The following AADAT variants were observed in gnomAD, a reference collection of about 807,000 sequenced individuals.
AADAT encodes the protein aminoadipate aminotransferase.
AADAT carries 25 observed loss-of-function variants against 56.2 expected under a neutral mutation model. The observed-to-expected ratio is 0.44, with a 90% CI of 0.32 to 0.62. AADAT has a LOEUF of 0.62. Ranked by LOEUF, AADAT falls within the 20% of genes least tolerant of loss-of-function variation. The pLI is 0.04. For missense variants in AADAT, 387 were observed against 510.5 expected, an observed-to-expected ratio of 0.76 and a Z score of 2.33; for synonymous variants, 173 against 164.7, an observed-to-expected ratio of 1.05 and a Z score of -0.39.
At chr4:170,092,921 C>T (rs547967696), upstream of AADAT, among the ~76,000 whole-genome samples, 2 of 152,332 alleles carry the variant, frequency 1.3e-5, no homozygotes, top group South Asian at 4.1e-4. Flanking sequence ...TTAATCCATG[C>T]ACACAGATCC....
At chr4:170,064,616 G>T in intron 11 of AADAT, 103 bp downstream of exon 11, 2 of 846,866 alleles carry the variant, frequency 2.4e-6, no homozygotes, top group Non-Finnish European at 1.9e-6. Flanking sequence ...GAGTTGGCTG[G>T]TGGGCAACAA....
chr4:170,088,584 G>A lies in AADAT; in HGVS notation c.68-20C>T, dbSNP rs539954524. Reference sequence around the variant, plus strand: ...TGTCAGCTACAATACACATGGAAGAGAAGAAACAATTTCATTGAAGATTGT... The same window carrying A: ...TGTCAGCTACAATACACATGGAAGAAAAGAAACAATTTCATTGAAGATTGT... On this transcript the variant is annotated intron_variant, in intron 1 of 12. Coordinates refer to ENST00000337664, the MANE Select transcript of AADAT (RefSeq NM_016228.4). 6 of 1,588,722 alleles carry A rather than the reference G, an allele frequency of 3.8e-6. No individual in the cohort carries two copies. The Admixed American group carries it at 5.0e-5, about 13-fold the overall frequency.
chr4:170,075,847 T>A (rs950827255), intron 4 of AADAT, among the ~76,000 whole-genome samples: 13 of 152,256 alleles, frequency 8.5e-5, no homozygotes, highest in African/African-American at 3.1e-4. Context: ...AATACAATAT[T>A]TGTCCTTTTG....
intron 3 of AADAT, 29 bp downstream of exon 3, chr4:170,087,087 T>C (rs780035064): frequency 6.2e-7 from 1 of 1,612,588 alleles, no homozygotes; most frequent in Non-Finnish European, 8.5e-7. Context: ...CAATTCTACA[T>C]TTTGGCTGAG....
intron 4 of AADAT, among the ~76,000 whole-genome samples, chr4:170,077,492 G>C (rs1340340816): frequency 6.6e-6 from 1 of 151,856 alleles, no homozygotes; most frequent in African/African-American, 2.4e-5. Flanking sequence ...TTTATATGTT[G>C]ATTTTCATAA....
intron 3 of AADAT, among the ~76,000 whole-genome samples, chr4:170,085,700 T>C (rs1290811016): frequency 1.3e-5 from 2 of 152,182 alleles, no homozygotes; most frequent in African/African-American, 2.4e-5. Flanking sequence ...CAATCACAAA[T>C]GTTTCTCTTC....
chr4:170,064,455 G>C (rs1731348177), intron 11 of AADAT, among the ~76,000 whole-genome samples: 1 of 152,226 alleles, frequency 6.6e-6, no homozygotes, highest in African/African-American at 2.4e-5. Flanking sequence ...AACAGGTGTG[G>C]CTCCGGAGAC....
chr4:170,089,244 AC>A, intron 1 of AADAT: 2 of 441,600 alleles, frequency 4.5e-6, no homozygotes, highest in Admixed American at 6.2e-5. Flanking sequence ...TTCATGGCCC[AC>A]CCCTCTCCCA....
At chr4:170,076,763 T>G (rs886691353) in intron 4 of AADAT, among the ~76,000 whole-genome samples, 2 of 152,210 alleles carry the variant, frequency 1.3e-5, no homozygotes, top group South Asian at 4.1e-4. Flanking sequence ...GTTGCTCATA[T>G]TTTTGGTCAT....
At chr4:170,091,019 G>A (rs1732801772), upstream of AADAT, among the ~76,000 whole-genome samples, 1 of 152,234 alleles carries the variant, frequency 6.6e-6, no homozygotes, top group Non-Finnish European at 1.5e-5. Flanking sequence ...AAATCTTTGT[G>A]CTAGCAGCTA....
chr4:170,084,710 T>C (rs1255092468), intron 3 of AADAT, among the ~76,000 whole-genome samples: 1 of 152,224 alleles, frequency 6.6e-6, no homozygotes, highest in Non-Finnish European at 1.5e-5. Flanking sequence ...AACTGACCTG[T>C]GATGTTGAAT....
At chr4:170,091,097 G>A (rs1439166195), upstream of AADAT, among the ~76,000 whole-genome samples, 1 of 152,230 alleles carries the variant, frequency 6.6e-6, no homozygotes, top group Non-Finnish European at 1.5e-5. Context: ...GCTCACTCTT[G>A]GCGCCTCCTC....
At position 170,073,242 on chromosome 4, in the gene AADAT, G is replaced by A; in HGVS notation, c.548C>T (p.Ala183Val). The A allele has an allele frequency of 1.2e-6, 2 of 1,614,068 alleles. No individual in the cohort carries two copies. The highest frequency in any genetic ancestry group is 1.3e-5 in the African/African-American group (1 of 75,000). ...DILSRWKPED[A>V]KNPQKNTPKF... The stretch of plus-strand genomic sequence containing the variant: ...GGGGGTGTTTTTCTGGGGATTCTTT[G>A]CATCTTCTGGTTTCCATCTGGAAAG... The change falls in exon 5 of 13, where the codon GCA becomes GTA. Residue 183 changes from alanine (A) to valine (V), a missense_variant. Transcript: ENST00000337664.
chr4:170,064,719 C>T lies in AADAT; in HGVS notation c.1134G>A (p.Gly378=). 6.2e-7 allele frequency: 1 copy of T among 1,600,726 alleles called. No individual in the cohort carries two copies. Among genetic ancestry groups the T allele is most frequent in the East Asian group, 2.3e-5 (1 of 44,372 alleles). The part of the protein sequence containing the change: ...ELIEEKAVKM[G]VLMLPGNAFY... ...CCAGCCCTTCACCTCCCAGTTTTAC[C>T]CCCATCTTAACGGCCTTTTCTTCAA... The change falls in exon 11 of 13, where the codon GGG becomes GGA. Residue 378 remains glycine, a splice_region_variant and synonymous_variant. Transcript: ENST00000337664.
chr4:170,086,390 CA>C (rs1190295435), intron 3 of AADAT, among the ~76,000 whole-genome samples: 1 of 150,190 alleles, frequency 6.7e-6, no homozygotes, highest in Non-Finnish European at 1.5e-5. Context: ...TAACTAATGC[CA>C]GGGGGAGAGG....
chr4:170,074,097 T>C (rs1196393525), intron 4 of AADAT, among the ~76,000 whole-genome samples: 3 of 152,214 alleles, frequency 2.0e-5, no homozygotes, highest in Non-Finnish European at 4.4e-5. Flanking sequence ...GTAGTGGATA[T>C]GGAACGTAAG....
chr4:170,074,585 T>C (rs1426080428), intron 4 of AADAT, among the ~76,000 whole-genome samples: 1 of 152,146 alleles, frequency 6.6e-6, no homozygotes, highest in South Asian at 2.1e-4. Flanking sequence ...ACAAGTGGTA[T>C]AGCATGGGTA....
intron 4 of AADAT, among the ~76,000 whole-genome samples, chr4:170,075,534 C>T (rs1055066259): frequency 2.0e-5 from 3 of 152,198 alleles, no homozygotes; most frequent in Non-Finnish European, 2.9e-5. Context: ...GGCTCGAACT[C>T]CTGACCTCAA....
At chr4:170,071,516 C>T (rs1012883576) in intron 5 of AADAT, among the ~76,000 whole-genome samples, 4 of 152,132 alleles carry the variant, frequency 2.6e-5, no homozygotes, top group East Asian at 1.9e-4. Flanking sequence ...ACAGACCGAC[C>T]GTGTTACCTA....
Sources: gnomAD v4.1 joint callset for allele counts (sites outside exome capture counted in the v4.1 genomes callset) on GRCh38, gnomAD v4.1.1 for gene constraint, MANE v1.5 for transcripts, NCBI Gene and HGNC (gene_info 2026-07-23, HGNC 2026-07-21) for gene names.